Variants in ART3 observed in about 807,000 individuals in gnomAD.
ART3 encodes the protein ecto-ADP-ribosyltransferase 3.
A neutral mutation model predicts 48.5 loss-of-function variants in ART3; 49 were observed. The ratio of observed to expected loss-of-function variants is 1.01; its 90% CI spans 0.80 to 1.28. The LOEUF (loss-of-function observed/expected upper bound fraction) is 1.28, where lower values mean the gene tolerates loss of function less well. ART3 is among the 50% of genes most tolerant of loss of function. The probability of loss-of-function intolerance (pLI) is 0.00; values close to 1 mark genes in which losing one functional copy is unlikely to be tolerated. For synonymous variants in ART3, 145 were observed against 157.2 expected, an observed-to-expected ratio of 0.92 and a Z score of 0.58; for missense variants, 438 against 454.3, an observed-to-expected ratio of 0.96 and a Z score of 0.33.
chr4:76,035,539 C>T (rs986412168), intron 1 of ART3, among the ~76,000 whole-genome samples: 17 of 152,138 alleles, frequency 1.1e-4, no homozygotes, highest in Non-Finnish European at 5.9e-5. Context: ...GTAAGCAAAT[C>T]GCTAACAAAT....
intron 1 of ART3, chr4:76,033,753 G>A (rs1734086388): frequency 6.6e-6 from 1 of 152,096 alleles, no homozygotes; most frequent in Non-Finnish European, 1.5e-5. Flanking sequence ...AACTAGTCTT[G>A]AGTATACCTA....
At chr4:76,100,010 G>T (rs1726915818) in intron 5 of ART3, among the ~76,000 whole-genome samples, 1 of 152,146 alleles carries the variant, frequency 6.6e-6, no homozygotes, top group African/African-American at 2.4e-5. Context: ...GACTTTAGCT[G>T]ACTCTTCAAC....
In ART3 at chr4:76,100,307, G is replaced by A. The variant is rs769707668; in HGVS notation, c.864G>A (p.Lys288=). Reference sequence around the variant, plus strand: ...GTGACTCAGGTGAGAAAAACCAGAAGCTTGAAGACCATAGTAAGACATTTT... The same window carrying A: ...GTGACTCAGGTGAGAAAAACCAGAAACTTGAAGACCATAGTAAGACATTTT... ...YVYNPGEKNQ[K]LEDHSEKNWK... is the part of the protein sequence containing the mutation. The change falls in exon 6 of 12, where the codon AAG becomes AAA. Residue 288 remains lysine (K), a synonymous_variant. Transcript: ENST00000355810. The A allele has an allele frequency of 1.2e-6, 2 of 1,612,750 alleles. No individual in the cohort carries two copies. Among genetic ancestry groups the A allele is most frequent in the Admixed American group, 3.3e-5 (2 of 59,970 alleles).
rs577413356 is a variant in ART3 at position 76,097,698 on chromosome 4, A to G, written c.814+22A>G. 9 of 1,588,196 alleles carry G rather than the reference A, an allele frequency of 5.7e-6. No individual in the cohort carries two copies. The South Asian group carries it at 1.0e-4, about 18-fold the overall frequency. ...CTAGGTAAGATAGCTTTAAAGTCTT[A>G]TCCCTATAATAGGAATTTTATCAGT... On this transcript the variant is annotated intron_variant, in intron 4 of 11. Coordinates refer to ENST00000355810, the MANE Select transcript of ART3 (RefSeq NM_001130016.3).
At chr4:76,085,086 A>C (rs1201716793) in intron 3 of ART3, among the ~76,000 whole-genome samples, 2 of 152,204 alleles carry the variant, frequency 1.3e-5, no homozygotes, top group African/African-American at 4.8e-5. Context: ...CATTAAAGGA[A>C]CACATCTGAT....
intron 1 of ART3, among the ~76,000 whole-genome samples, chr4:76,065,646 G>T (rs1719663534): frequency 6.6e-6 from 1 of 151,342 alleles, no homozygotes; most frequent in South Asian, 2.1e-4. Flanking sequence ...CTGAAATAGG[G>T]GGAAAGAAAG....
chr4:76,058,293 TGAA>T (rs895861434), intron 1 of ART3, among the ~76,000 whole-genome samples: 1 of 152,192 alleles, frequency 6.6e-6, no homozygotes, highest in African/African-American at 2.4e-5. Context: ...TCTTTAAAAT[TGAA>T]GAAAGAGTAC....
intron 1 of ART3, among the ~76,000 whole-genome samples, chr4:76,057,046 C>T (rs6532160): frequency 0.59 from 89,136 of 151,934 alleles, 26,988 homozygotes; most frequent in East Asian, 0.94. Flanking sequence ...TCAAATATCC[C>T]TCAGTTTGTC....
chr4:76,024,938 G>A (rs954616310), intron 1 of ART3, among the ~76,000 whole-genome samples: 3 of 152,196 alleles, frequency 2.0e-5, no homozygotes, highest in East Asian at 3.8e-4. Context: ...ATCCTCAAAT[G>A]TAGGAACTCC....
At chr4:76,016,368 C>G (rs1449784894) in intron 1 of ART3, among the ~76,000 whole-genome samples, 1 of 152,238 alleles carries the variant, frequency 6.6e-6, no homozygotes, top group Non-Finnish European at 1.5e-5. Context: ...GAAGAATTCT[C>G]TGGATTACCA....
In ART3 at chr4:76,082,586, T is replaced by C. The variant is rs193004668; in HGVS notation, c.781+51T>C. On this transcript the variant is annotated intron_variant, in intron 3 of 11. Transcript: ENST00000355810. ...GGCTGGGAGGGAAGGAGTGGGATTCTTAGGCTTAGGGAAAGGTCAGTGAAA... is the reference window on the plus strand; with the variant it reads ...GGCTGGGAGGGAAGGAGTGGGATTCCTAGGCTTAGGGAAAGGTCAGTGAAA... The C allele has an allele frequency of 2.2e-4, 323 of 1,449,210 alleles. No homozygotes were observed. The African/African-American group carries it at 4.3e-3, about 19-fold the overall frequency. The allele number at this position is 1,449,210 out of a possible 1,614,324, so 89.8% of individuals were successfully genotyped here.
At chr4:76,016,627 A>G (rs1320501149) in intron 1 of ART3, among the ~76,000 whole-genome samples, 1 of 152,188 alleles carries the variant, frequency 6.6e-6, no homozygotes, top group Non-Finnish European at 1.5e-5. Flanking sequence ...AGCATGTGGA[A>G]AAGTCAGCCA....
chr4:76,070,190 AAGTATAATGAATTCCTG>A (rs1369697048), upstream of ART3, among the ~76,000 whole-genome samples: 7 of 151,844 alleles, frequency 4.6e-5, no homozygotes, highest in East Asian at 3.9e-4. Flanking sequence ...CTGTTCTTTT[AAGTATAATGAATTCCTG>A]TAAGTAGAAT....
chr4:76,063,415 A>G (rs1394086859), intron 1 of ART3, among the ~76,000 whole-genome samples: 1 of 152,234 alleles, frequency 6.6e-6, no homozygotes, highest in Non-Finnish European at 1.5e-5. Context: ...TCTTGAATAT[A>G]TTCTCTGTAC....
chr4:76,069,386 C>CTTTGTTTTTTTTT (rs59498066), intron 1 of ART3, among the ~76,000 whole-genome samples: 2 of 110,162 alleles, frequency 1.8e-5, no homozygotes, highest in African/African-American at 3.4e-5. Flanking sequence ...TACTTAATTC[C>CTTTGTTTTTTTTT]TTTTTTTTTT....
chr4:76,078,115 T>C (rs1234004415), intron 2 of ART3, among the ~76,000 whole-genome samples: 1 of 152,086 alleles, frequency 6.6e-6, no homozygotes, highest in African/African-American at 2.4e-5. Flanking sequence ...AGAAATATAA[T>C]CAGCTTGTTC....
At chr4:76,106,221 TTTAG>T (rs1339643896) in intron 10 of ART3, 31 of 985,268 alleles carry the variant, frequency 3.1e-5, no homozygotes, top group Non-Finnish European at 3.6e-5. Context: ...TCCAAACAGA[TTTAG>T]TTATCCACTT....
rs548723243 is a variant in ART3 at position 76,043,655 on chromosome 4, A to C, written c.-9-32226A>C. On this transcript the variant is annotated intron_variant, in intron 1 of 9. Transcript: ENST00000341029. ...AGCGCTGTGCGCAGCCCTGGTTCCCACTGGCGCCTGTCCCTCCACACCTCC... is the reference window on the plus strand; with the variant it reads ...AGCGCTGTGCGCAGCCCTGGTTCCCCCTGGCGCCTGTCCCTCCACACCTCC... 3.8e-4 allele frequency among the ~76,000 whole-genome samples: 57 copies of C among 151,988 alleles called. 1 individual carries two copies. Among genetic ancestry groups the C allele is most frequent in the Non-Finnish European group, 7.2e-4 (49 of 67,878 alleles).
intron 1 of ART3, chr4:76,021,687 T>C (rs1303173258): frequency 3.8e-6 from 2 of 527,070 alleles, no homozygotes; most frequent in African/African-American, 3.8e-5. Context: ...AGCACCTCAG[T>C]AGAGCTTACA....
Sources: allele counts gnomAD v4.1 joint callset (sites outside exome capture counted in the v4.1 genomes callset), GRCh38; gene constraint gnomAD v4.1.1; transcripts MANE v1.5; gene names NCBI Gene and HGNC (gene_info 2026-07-23, HGNC 2026-07-21).